The following CASTOR2 variants were observed in gnomAD, a reference collection of about 807,000 sequenced individuals.
The protein encoded by CASTOR2 is cytosolic arginine sensor for mTORC1 subunit 2.
A neutral mutation model predicts 31.2 loss-of-function variants in CASTOR2; 8 were observed. The ratio of observed to expected loss-of-function variants is 0.26; its 90% CI spans 0.15 to 0.46. CASTOR2 has a LOEUF of 0.46. Among genes scored for constraint, CASTOR2 ranks in the 20% least tolerant of loss-of-function variants. CASTOR2 has a pLI of 0.99. For synonymous variants in CASTOR2, 162 were observed against 158.7 expected, an observed-to-expected ratio of 1.02 and a Z score of -0.16; for missense variants, 216 against 382.1, an observed-to-expected ratio of 0.57 and a Z score of 3.62.
chr7:74,988,964 C>CT (rs34618815), intron 1 of CASTOR2, among the ~76,000 whole-genome samples: 4,417 of 137,768 alleles, frequency 0.032, 158 homozygotes, highest in Non-Finnish European at 0.047. Context: ...GGGAATTTTT[C>CT]TTTTTTTTTT....
chr7:74,991,812 G>C (rs1554437373), intron 1 of CASTOR2, among the ~76,000 whole-genome samples: 1 of 152,052 alleles, frequency 6.6e-6, no homozygotes, highest in South Asian at 2.1e-4. Context: ...ATGGGGGCTG[G>C]ACAGAAACAG....
intron 2 of CASTOR2, among the ~76,000 whole-genome samples, chr7:75,008,528 A>G (rs1341171698): frequency 6.6e-6 from 1 of 151,746 alleles, no homozygotes. Flanking sequence ...CCCCGTCTCT[A>G]CTAAAACGTT....
At chr7:75,005,884 C>T (rs1373739771) in intron 1 of CASTOR2, among the ~76,000 whole-genome samples, 1 of 152,190 alleles carries the variant, frequency 6.6e-6, no homozygotes, top group Non-Finnish European at 1.5e-5. Context: ...AATCCCAGCA[C>T]TTTGGGATGC....
Position 75,011,753 on chromosome 7 carries a change from A to C in CASTOR2, c.184+3689A>C, listed in dbSNP as rs193042588. Among the ~76,000 whole-genome samples the C allele has an allele frequency of 2.5e-3, 370 of 150,396 alleles. 4 individuals are homozygous for C. The highest frequency in any genetic ancestry group is 8.7e-3 in the African/African-American group (353 of 40,714). On this transcript the variant is annotated intron_variant, in intron 2 of 8. Transcript: ENST00000616305. ...AAAAAAAAAAAAAAAAAAACCAAAAAAAAAAGGAGTTCGAGACCAGCCTGA... is the reference window on the plus strand; with the variant it reads ...AAAAAAAAAAAAAAAAAAACCAAAACAAAAAGGAGTTCGAGACCAGCCTGA...
chr7:75,011,091 C>T (rs1430122089), intron 2 of CASTOR2, among the ~76,000 whole-genome samples: 4 of 151,844 alleles, frequency 2.6e-5, no homozygotes, highest in Non-Finnish European at 5.9e-5. Context: ...AACTCCTGAA[C>T]TCAAGTGATC....
Position 75,004,736 on chromosome 7 carries a change from C to T in CASTOR2, c.114-3258C>T, listed in dbSNP as rs1210331946. On this transcript the variant is annotated intron_variant, in intron 1 of 8. Transcript: ENST00000616305. ...TGCTGGGATTACAGGCATGAGCCAC[C>T]GCAGCAGGCCAAGCATTTTCTTTAC... Among the ~76,000 whole-genome samples, 22 of 152,108 alleles carry T rather than the reference C, an allele frequency of 1.4e-4. No homozygotes were observed. The East Asian group carries it at 3.5e-3, about 24-fold the overall frequency.
At chr7:74,995,073 G>A (rs1359358177) in intron 1 of CASTOR2, among the ~76,000 whole-genome samples, 2 of 152,248 alleles carry the variant, frequency 1.3e-5, no homozygotes, top group East Asian at 1.9e-4. Flanking sequence ...GAGGGAAGAC[G>A]TCATCGGGCT....
intron 1 of CASTOR2, among the ~76,000 whole-genome samples, chr7:74,976,386 T>A (rs1803808726): frequency 7.4e-6 from 1 of 135,036 alleles, no homozygotes; most frequent in Non-Finnish European, 1.6e-5. Context: ...TACAGAAAAA[T>A]TAGCTAGGCA....
At position 75,027,713 on chromosome 7, in the gene CASTOR2, C is replaced by G; in HGVS notation, c.*3014C>G. ...TCCGTGGGAGCTGCCCCCTGGGGAC[C>G]CTGCTCCTCGGTCACAGGGGGCCCC... On this transcript the variant is annotated 3_prime_UTR_variant, in exon 9 of 9. Transcript: ENST00000616305. 1 of 392,990 alleles carries G rather than the reference C, an allele frequency of 2.5e-6. No individual in the cohort carries two copies. Among genetic ancestry groups the G allele is most frequent in the Admixed American group, 4.1e-5 (1 of 24,114 alleles). The allele number at this position is 392,990 out of a possible 1,614,324, so 24.3% of individuals were successfully genotyped here. A position where few individuals can be genotyped will look rare whatever the true frequency, so the allele number is the denominator to read the frequency against.
At chr7:74,996,264 C>T (rs1206462713) in intron 1 of CASTOR2, among the ~76,000 whole-genome samples, 3 of 152,100 alleles carry the variant, frequency 2.0e-5, no homozygotes, top group Non-Finnish European at 4.4e-5. Flanking sequence ...AACACCCAGC[C>T]CCACAGGCCA....
At chr7:74,973,326 C>T (rs1803724191) in intron 1 of CASTOR2, among the ~76,000 whole-genome samples, 1 of 146,460 alleles carries the variant, frequency 6.8e-6, no homozygotes, top group Non-Finnish European at 1.5e-5. Context: ...CTAGAAGCTC[C>T]AGTAAGCTTT....
chr7:75,021,485 G>A (rs1400300899), intron 6 of CASTOR2, among the ~76,000 whole-genome samples: 1 of 152,182 alleles, frequency 6.6e-6, no homozygotes. Context: ...TGGTCCCCCA[G>A]CTCAGAGAGG....
At position 75,025,965 on chromosome 7, in the gene CASTOR2, C is replaced by T. The variant is rs1234952932; in HGVS notation, c.*1266C>T. ...GAGATCTGTTACAAGACGCTGGAGC[C>T]GCTGGCACCCCACATGGGAACTCCC... On this transcript the variant is annotated 3_prime_UTR_variant, in exon 9 of 9. Coordinates refer to ENST00000616305, the MANE Select transcript of CASTOR2 (RefSeq NM_001145064.3). Among the ~76,000 whole-genome samples the T allele has an allele frequency of 3.9e-5, 6 of 152,150 alleles. No homozygotes were observed. Among genetic ancestry groups the T allele is most frequent in the African/African-American group, 1.4e-4 (6 of 41,432 alleles).
At chr7:74,996,327 G>A (rs1804345872) in intron 1 of CASTOR2, among the ~76,000 whole-genome samples, 4 of 152,196 alleles carry the variant, frequency 2.6e-5, no homozygotes, top group African/African-American at 9.6e-5. Flanking sequence ...GAGTGTGACC[G>A]GGAACCAGGG....
At chr7:75,002,970 C>T (rs1804529627) in intron 1 of CASTOR2, among the ~76,000 whole-genome samples, 1 of 151,990 alleles carries the variant, frequency 6.6e-6, no homozygotes, top group Non-Finnish European at 1.5e-5. Context: ...CACCTGTAAT[C>T]CCGGGTACTT....
At chr7:75,014,799 G>A (rs1804830777) in intron 2 of CASTOR2, among the ~76,000 whole-genome samples, 1 of 152,150 alleles carries the variant, frequency 6.6e-6, no homozygotes, top group South Asian at 2.1e-4. Context: ...ACCACTCTGG[G>A]TCTCATCCAA....
chr7:75,003,625 C>CT (rs1257800388), intron 1 of CASTOR2, among the ~76,000 whole-genome samples: 1 of 151,998 alleles, frequency 6.6e-6, no homozygotes, highest in Non-Finnish European at 1.5e-5. Flanking sequence ...TGGCGTGCGC[C>CT]TGTAGTCTCA....
chr7:75,021,831 AT>A (rs1805012425), intron 6 of CASTOR2, 42 bp from the exon 7 acceptor site: 1 of 1,550,928 alleles, frequency 6.4e-7, no homozygotes, highest in Admixed American at 2.0e-5. Flanking sequence ...AGGGAGTGCA[AT>A]TCACATCAGC....
intron 1 of CASTOR2, among the ~76,000 whole-genome samples, chr7:74,975,050 C>G (rs1160357028): frequency 6.6e-5 from 10 of 151,228 alleles, no homozygotes; most frequent in Non-Finnish European, 1.0e-4. Context: ...CTCACTGCAA[C>G]CTCTGCCTCC....
Sources: gnomAD v4.1 joint callset for allele counts (sites outside exome capture counted in the v4.1 genomes callset) on GRCh38, gnomAD v4.1.1 for gene constraint, MANE v1.5 for transcripts, NCBI Gene and HGNC (gene_info 2026-07-23, HGNC 2026-07-21) for gene names.